The following ATP6V1C2 variants were observed in gnomAD, a reference collection of about 807,000 sequenced individuals.
ATP6V1C2 encodes V-type proton ATPase subunit C 2.
Under a neutral mutation model 56.8 loss-of-function variants are expected in ATP6V1C2, and 45 were observed. That is an observed-to-expected ratio of 0.79 (90% CI 0.62 to 1.02). The LOEUF is 1.02. Ranked by LOEUF, ATP6V1C2 falls within the 50% of genes least tolerant of loss-of-function variation. The pLI is 0.00. For synonymous variants in ATP6V1C2, 220 were observed against 201.3 expected, an observed-to-expected ratio of 1.09 and a Z score of -0.79; for missense variants, 463 against 519.7, an observed-to-expected ratio of 0.89 and a Z score of 1.06.
At chr2:10,773,222 G>A (rs1664744793) in intron 8 of ATP6V1C2, among the ~76,000 whole-genome samples, 1 of 152,194 alleles carries the variant, frequency 6.6e-6, no homozygotes, top group Admixed American at 6.5e-5. Context: ...CGTGACTCGG[G>A]CACACACAGG....
Position 10,778,651 on chromosome 2 carries a change from T to C in ATP6V1C2, c.1043T>C (p.Phe348Ser), listed in dbSNP as rs149885814. The C allele has an allele frequency of 6.8e-6, 11 of 1,614,060 alleles. No homozygotes were observed. The highest frequency in any genetic ancestry group is 2.7e-5 in the African/African-American group (2 of 74,944). The change falls in exon 12 of 14, where the codon TTT (phenylalanine) becomes TCT (serine). Residue 348 changes from phenylalanine to serine, a missense_variant. Coordinates refer to ENST00000272238, the MANE Select transcript of ATP6V1C2 (RefSeq NM_001039362.2). The stretch of plus-strand genomic sequence containing the variant: ...ATCCACATCAAGGCCCTGAGAGTGT[T>C]TGTGGAGTCCGTGCTCAGGTGCGTG... ...AWIHIKALRV[F>S]VESVLRYGLP...
chr2:10,721,910 G>T (rs978465189), intron 1 of ATP6V1C2, among the ~76,000 whole-genome samples, 179 bp downstream of exon 1: 1 of 152,236 alleles, frequency 6.6e-6, no homozygotes, highest in African/African-American at 2.4e-5. Flanking sequence ...GGGCCAGTTC[G>T]TCCCCAGGCC....
intron 4 of ATP6V1C2, among the ~76,000 whole-genome samples, chr2:10,757,049 G>C (rs1012881553): frequency 9.3e-6 from 1 of 107,154 alleles, no homozygotes; most frequent in Non-Finnish European, 1.7e-5. Flanking sequence ...GTCTCACTCT[G>C]TTACCCAGGC....
chr2:10,732,924 T>C (rs1662043926), intron 3 of ATP6V1C2, among the ~76,000 whole-genome samples: 1 of 150,596 alleles, frequency 6.6e-6, no homozygotes, highest in Non-Finnish European at 1.5e-5. Context: ...TGAGCCGAGA[T>C]TGTGCCGCTG....
intron 3 of ATP6V1C2, among the ~76,000 whole-genome samples, chr2:10,746,014 T>C (rs1430845581): frequency 1.3e-5 from 2 of 152,228 alleles, no homozygotes; most frequent in Non-Finnish European, 2.9e-5. Context: ...CAGCTATTGA[T>C]GGATGCTTGG....
At chr2:10,777,928 G>T (rs1361841746) in intron 11 of ATP6V1C2, among the ~76,000 whole-genome samples, 1 of 145,066 alleles carries the variant, frequency 6.9e-6, no homozygotes, top group Admixed American at 7.2e-5. Context: ...GGTGCTTGTC[G>T]GCCAGGGCGC....
chr2:10,776,774 AACAGGGTGACAC>A (rs1397191001), intron 10 of ATP6V1C2, among the ~76,000 whole-genome samples: 1 of 152,152 alleles, frequency 6.6e-6, no homozygotes, highest in African/African-American at 2.4e-5. Flanking sequence ...ACCCCCGGGG[AACAGGGTGACAC>A]ACAGGAGCCT....
rs200258024 is a variant in ATP6V1C2, at chr2:10,782,352, G to A, written c.1171G>A (p.Val391Ile). Residue 391 changes from valine (V) to isoleucine (I), a missense_variant, in exon 13 of 14, where the codon GTA becomes ATA. Coordinates refer to ENST00000272238, the MANE Select transcript of ATP6V1C2 (RefSeq NM_001039362.2). ...LNSVFRHLDE[V>I]AATSILDASV... ...CTCTGTCTTCCGACATCTGGATGAAGTAGCCGCTACAAGTATACTGGATGT... is the reference window on the plus strand; with the variant it reads ...CTCTGTCTTCCGACATCTGGATGAAATAGCCGCTACAAGTATACTGGATGT... 1.2e-6 allele frequency: 2 copies of A among 1,613,118 alleles called. No homozygotes were observed. Among genetic ancestry groups the A allele is most frequent in the South Asian group, 2.2e-5 (2 of 91,078 alleles).
intron 5 of ATP6V1C2, among the ~76,000 whole-genome samples, chr2:10,765,858 G>C (rs1572581339): frequency 6.6e-6 from 1 of 152,200 alleles, no homozygotes; most frequent in Non-Finnish European, 1.5e-5. Flanking sequence ...AGCACATGGA[G>C]GGAGCAGAGG....
intron 10 of ATP6V1C2, among the ~76,000 whole-genome samples, chr2:10,775,762 A>G (rs6432142): frequency 0.64 from 97,449 of 151,978 alleles, 31,697 homozygotes; most frequent in African/African-American, 0.74. Flanking sequence ...TCCTGCTGCG[A>G]TGCTGGGCTA....
intron 3 of ATP6V1C2, among the ~76,000 whole-genome samples, chr2:10,738,337 TC>T (rs1662368216): frequency 6.6e-6 from 1 of 151,962 alleles, no homozygotes. Flanking sequence ...CTGCCAGGCT[TC>T]CCCCAGCTCC....
chr2:10,769,035 T>A (rs1295433326), intron 6 of ATP6V1C2, among the ~76,000 whole-genome samples: 2 of 152,148 alleles, frequency 1.3e-5, no homozygotes, highest in African/African-American at 2.4e-5. Context: ...GGGAAGAGGA[T>A]GTGGCCATGC....
At chr2:10,739,093 C>G (rs2148429585) in intron 3 of ATP6V1C2, among the ~76,000 whole-genome samples, 1 of 152,256 alleles carries the variant, frequency 6.6e-6, no homozygotes, top group East Asian at 1.9e-4. Flanking sequence ...ACCAGCCTGA[C>G]CAACATGGAG....
chr2:10,744,004 T>TAATA (rs1553326678), intron 3 of ATP6V1C2, among the ~76,000 whole-genome samples: 2 of 144,116 alleles, frequency 1.4e-5, no homozygotes, highest in African/African-American at 5.4e-5. Context: ...AAAATAATAA[T>TAATA]AATAAATAAA....
At chr2:10,752,138 C>T (rs1002868273) in intron 3 of ATP6V1C2, among the ~76,000 whole-genome samples, 2 of 152,078 alleles carry the variant, frequency 1.3e-5, no homozygotes, top group African/African-American at 2.4e-5. Flanking sequence ...GGAAATATGC[C>T]AGAATATGAA....
intron 5 of ATP6V1C2, among the ~76,000 whole-genome samples, chr2:10,765,227 AAAATGAAC>A (rs1185353106): frequency 9.2e-5 from 14 of 152,198 alleles, no homozygotes; most frequent in Admixed American, 7.2e-4. Context: ...TCCACTTGAT[AAAATGAAC>A]ACCCTGTGAC....
intron 4 of ATP6V1C2, among the ~76,000 whole-genome samples, chr2:10,758,011 G>A (rs1219954123): frequency 6.6e-6 from 1 of 152,154 alleles, no homozygotes; most frequent in African/African-American, 2.4e-5. Flanking sequence ...ATCATTTTAG[G>A]TTGCATAAGA....
intron 4 of ATP6V1C2, among the ~76,000 whole-genome samples, chr2:10,762,145 A>T (rs963175109): frequency 1.0e-4 from 14 of 139,784 alleles, no homozygotes; most frequent in South Asian, 2.3e-4. Flanking sequence ...TGAAGCATAA[A>T]TTTTTTTTTT....
Position 10,784,364 on chromosome 2 carries a change from AG to A in ATP6V1C2, c.*1105del. Reference sequence around the variant, plus strand: ...AGAAAGCCACTGTTAGATCTGCAGAAGGGGACACCCTGGAAGGTCAACATCT... The same window carrying A: ...AGAAAGCCACTGTTAGATCTGCAGAAGGGACACCCTGGAAGGTCAACATCT... On this transcript the variant is annotated 3_prime_UTR_variant, in exon 14 of 14. Coordinates refer to ENST00000272238, the MANE Select transcript of ATP6V1C2 (RefSeq NM_001039362.2). 1.3e-6 allele frequency: 2 copies of A among 1,541,776 alleles called. No individual in the cohort carries two copies. Among genetic ancestry groups the A allele is most frequent in the Non-Finnish European group, 1.8e-6 (2 of 1,120,274 alleles).
Sources: allele counts gnomAD v4.1 joint callset (sites outside exome capture counted in the v4.1 genomes callset), GRCh38; gene constraint gnomAD v4.1.1; transcripts MANE v1.5; gene names NCBI Gene and HGNC (gene_info 2026-07-23, HGNC 2026-07-21).